The following TWF2 variants were observed in gnomAD, a reference collection of about 807,000 sequenced individuals.
TWF2 encodes the protein twinfilin actin binding protein 2, also known as twinfilin-2.
Under a neutral mutation model 45.1 loss-of-function variants are expected in TWF2, and 15 were observed. The observed-to-expected ratio is 0.33, with a 90% CI of 0.22 to 0.51. The LOEUF is 0.51. TWF2 is among the 20% of genes least tolerant of loss of function. The probability of loss-of-function intolerance (pLI) is 0.97; values close to 1 mark genes in which losing one functional copy is unlikely to be tolerated. For missense variants in TWF2, 423 were observed against 469.1 expected (o/e 0.90, Z 0.91); for synonymous variants, 177 against 195.8 (o/e 0.90, Z 0.80).
intron 8 of TWF2, 48 bp downstream of exon 8, chr3:52,229,613 T>G: frequency 1.9e-6 from 3 of 1,601,664 alleles, no homozygotes; most frequent in Non-Finnish European, 2.6e-6. Flanking sequence ...CACATGGAGA[T>G]TGGAGTGATA....
intron 1 of TWF2, among the ~76,000 whole-genome samples, chr3:52,235,978 G>C (rs573696754): frequency 6.6e-6 from 1 of 152,136 alleles, no homozygotes; most frequent in African/African-American, 2.4e-5. Flanking sequence ...GCTTCCAGGA[G>C]AAGGAATGGC....
intron 1 of TWF2, among the ~76,000 whole-genome samples, chr3:52,235,994 G>A (rs192350845): frequency 3.3e-4 from 50 of 152,164 alleles, no homozygotes; most frequent in African/African-American, 1.1e-3. Context: ...ATGGCTCCCC[G>A]AAACTCACTA....
intron 3 of TWF2, 118 bp from the exon 4 acceptor site, chr3:52,231,657 C>T (rs764394819): frequency 5.8e-6 from 7 of 1,213,534 alleles, no homozygotes; most frequent in East Asian, 2.4e-5. Context: ...TGGCAGAGGG[C>T]CAGCCCGGGG....
Position 52,230,989 on chromosome 3 carries a change from T to C in TWF2, c.490A>G (p.Thr164Ala), listed in dbSNP as rs898704194. 1 of 1,606,536 alleles carries C rather than the reference T, an allele frequency of 6.2e-7. No homozygotes were observed. Among genetic ancestry groups the C allele is most frequent in the Non-Finnish European group, 8.5e-7 (1 of 1,176,696 alleles). ...TGCTTGCTTTCCACACTGATCTCTGTCTTCACCTGTGGGTAGGGGAATGGT... is the reference window on the plus strand; with the variant it reads ...TGCTTGCTTTCCACACTGATCTCTGCCTTCACCTGTGGGTAGGGGAATGGT... ...LQQIRINEVK[T>A]EISVESKHQT... Residue 164 changes from threonine to alanine, a missense_variant, in exon 6 of 9, where the codon ACA (threonine) becomes GCA (alanine). Transcript: ENST00000305533.
chr3:52,232,090 C>T lies in TWF2; in HGVS notation c.136G>A (p.Val46Ile), dbSNP rs1186315338. Residue 46 changes from valine to isoleucine, a missense_variant, in exon 3 of 9, where the codon GTA (valine) becomes ATA (isoleucine). Physicochemically the swap from Val to Ile is conservative, Grantham distance 29. Transcript: ENST00000305533. ...TCATAGTCCTGATCCCAGCGGCCTA[C>T]TGGCTCCTGCGAGGCACCCAGCACG... ...QLVLGASQEP[V>I]GRWDQDYDRA... The T allele has an allele frequency of 6.2e-7, 1 of 1,609,976 alleles. No individual in the cohort carries two copies. Among genetic ancestry groups the T allele is most frequent in the African/African-American group, 1.3e-5 (1 of 74,910 alleles).
chr3:52,231,117 C>A lies in TWF2; in HGVS notation c.483+10G>T, dbSNP rs1395244258. ...AGGGCTCAAGGCTGGGGCCTCTGCT[C>A]CCCACCCACCTCGTTAATGCGGATC... On this transcript the variant is annotated intron_variant, in intron 5 of 8. Transcript: ENST00000305533. 4 of 1,613,960 alleles carry A rather than the reference C, an allele frequency of 2.5e-6. No homozygotes were observed. Among genetic ancestry groups the A allele is most frequent in the Non-Finnish European group, 3.4e-6 (4 of 1,179,912 alleles).
Position 52,230,020 on chromosome 3 carries a change from C to G in TWF2, c.660G>C (p.Thr220=). ...CCCGGGAGGGCAGCTGGGCCACATC[C>G]GTGGGCTCTGTGTGCACCAGCTCAA... The part of the protein sequence containing the change: ...ETIELVHTEP[T]DVAQLPSRVP... The change falls in exon 7 of 9, where the codon ACG becomes ACC. Residue 220 remains threonine, a synonymous_variant. Coordinates refer to ENST00000305533, the MANE Select transcript of TWF2 (RefSeq NM_007284.4). The G allele has an allele frequency of 6.2e-7, 1 of 1,610,690 alleles. No homozygotes were observed. Among genetic ancestry groups the G allele is most frequent in the Non-Finnish European group, 8.5e-7 (1 of 1,179,586 alleles).
intron 3 of TWF2, 98 bp from the exon 4 acceptor site, chr3:52,231,637 C>T: frequency 7.6e-7 from 1 of 1,323,058 alleles, no homozygotes; most frequent in Non-Finnish European, 1.0e-6. Context: ...GCTCACTGCG[C>T]TGGCACACCT....
At chr3:52,238,932 G>GGC in intron 1 of TWF2, 60 bp downstream of exon 1, 1 of 1,562,904 alleles carries the variant, frequency 6.4e-7, no homozygotes. Flanking sequence ...CGAGAGCCGG[G>GGC]GGGGGGCGCT....
rs768816183 is a variant in TWF2 at position 52,235,051 on chromosome 3, G to A, written c.81C>T (p.Leu27=). Residue 27 remains leucine, a synonymous_variant, in exon 2 of 9, where the codon CTC becomes CTT. Coordinates refer to ENST00000305533, the MANE Select transcript of TWF2 (RefSeq NM_007284.4). ...FAKARAGSVR[L]IKVVIEDEQL... is the part of the protein sequence containing the mutation. Reference sequence around the variant, plus strand: ...CACCGTCCTCAATCACAACCTTGATGAGCCGCACAGAGCCAGCCCGTGCCT... The same window carrying A: ...CACCGTCCTCAATCACAACCTTGATAAGCCGCACAGAGCCAGCCCGTGCCT... 5.6e-6 allele frequency: 9 copies of A among 1,613,882 alleles called. No individual in the cohort carries two copies. The highest frequency in any genetic ancestry group is 2.2e-5 in the South Asian group (2 of 91,078).
chr3:52,238,920 G>T, intron 1 of TWF2, 72 bp downstream of exon 1: 1 of 1,370,046 alleles, frequency 7.3e-7, no homozygotes, highest in African/African-American at 2.4e-5. Context: ...GGAGGGAGGG[G>T]CCGAGAGCCG....
At chr3:52,235,305 T>C (rs1699714805) in intron 1 of TWF2, among the ~76,000 whole-genome samples, 199 bp from the exon 2 acceptor site, 1 of 141,252 alleles carries the variant, frequency 7.1e-6, no homozygotes, top group East Asian at 2.5e-4. Context: ...GCGAGTGGCC[T>C]GCTGGCTGGG....
intron 1 of TWF2, among the ~76,000 whole-genome samples, chr3:52,236,603 C>T (rs1699728320): frequency 6.6e-6 from 1 of 152,120 alleles, no homozygotes; most frequent in Non-Finnish European, 1.5e-5. Context: ...TTTATAGGGC[C>T]AGGACTGGGC....
chr3:52,238,555 G>T (rs1466113347), intron 1 of TWF2, among the ~76,000 whole-genome samples: 1 of 152,128 alleles, frequency 6.6e-6, no homozygotes, highest in Non-Finnish European at 1.5e-5. Context: ...GTCTAAAGAG[G>T]GTCCTATGCG....
At chr3:52,238,920 G>A in intron 1 of TWF2, 72 bp downstream of exon 1, 1 of 1,370,048 alleles carries the variant, frequency 7.3e-7, no homozygotes, top group South Asian at 1.2e-5. Context: ...GGAGGGAGGG[G>A]CCGAGAGCCG....
At chr3:52,232,683 C>T (rs143103497) in intron 2 of TWF2, among the ~76,000 whole-genome samples, 4 of 152,320 alleles carry the variant, frequency 2.6e-5, no homozygotes, top group African/African-American at 9.6e-5. Flanking sequence ...GATAAACAGA[C>T]ATCCTGCGGC....
Position 52,238,985 on chromosome 3 carries a change from C to T in TWF2, c.25+7G>A, listed in dbSNP as rs758479838. 1.3e-6 allele frequency: 2 copies of T among 1,594,954 alleles called. No individual in the cohort carries two copies. Among genetic ancestry groups the T allele is most frequent in the Non-Finnish European group, 1.7e-6 (2 of 1,178,016 alleles). On this transcript the variant is annotated splice_region_variant and intron_variant, in intron 1 of 8. Transcript: ENST00000305533. ...AGGCCCCCTGCCCGCCCGCCATCCG[C>T]CCTCACCGTGGATGCCCGTTTGGTG... is the stretch of plus-strand genomic sequence containing the variant.
rs1380621861 is a variant in TWF2, at chr3:52,230,936, G to A, written c.543C>T (p.Pro181=). ...GTGCCCGCTGGGCCTCAGGCTGCAG[G>A]GGGAAGGCGAGGCCCTGCAGGGTCT... ...KHQTLQGLAF[P]LQPEAQRALQ... The change falls in exon 6 of 9, where the codon CCC becomes CCT. Residue 181 remains proline, a synonymous_variant. Coordinates refer to ENST00000305533, the MANE Select transcript of TWF2 (RefSeq NM_007284.4). The A allele has an allele frequency of 6.2e-7, 1 of 1,606,258 alleles. No individual in the cohort carries two copies. The highest frequency in any genetic ancestry group is 1.7e-5 in the Admixed American group (1 of 58,456).
intron 8 of TWF2, among the ~76,000 whole-genome samples, 162 bp downstream of exon 8, chr3:52,229,499 G>A (rs547889055): frequency 6.6e-6 from 1 of 152,294 alleles, no homozygotes; most frequent in African/African-American, 2.4e-5. Context: ...CGATCAGCTG[G>A]GCAGCCTTGG....
Sources: gnomAD v4.1 joint callset for allele counts (sites outside exome capture counted in the v4.1 genomes callset) on GRCh38, gnomAD v4.1.1 for gene constraint, MANE v1.5 for transcripts, NCBI Gene and HGNC (gene_info 2026-07-23, HGNC 2026-07-21) for gene names.